Variants in PXN observed in about 807,000 individuals in gnomAD.
PXN encodes the protein testicular tissue protein Li 134.
Under a neutral mutation model 103.6 loss-of-function variants are expected in PXN, and 61 were observed. That is an observed-to-expected ratio of 0.59 (90% CI 0.48 to 0.73). PXN has a LOEUF of 0.73. Among genes scored for constraint, PXN ranks in the 30% least tolerant of loss-of-function variants. The pLI is 0.00. For missense variants in PXN, 1,274 were observed against 1,460.3 expected, an observed-to-expected ratio of 0.87 and a Z score of 2.08; for synonymous variants, 562 against 607.8, an observed-to-expected ratio of 0.92 and a Z score of 1.11.
At chr12:120,238,217 T>C (rs1010083866) in intron 1 of PXN, among the ~76,000 whole-genome samples, 2 of 152,098 alleles carry the variant, frequency 1.3e-5, no homozygotes, top group African/African-American at 4.8e-5. Flanking sequence ...CTAGTGGAGT[T>C]CACGTGTAGG....
chr12:120,223,907 AC>A, intron 2 of PXN, 74 bp from the exon 3 acceptor site: 2 of 1,207,604 alleles, frequency 1.7e-6, no homozygotes, highest in East Asian at 2.6e-5. Context: ...AGCTCCAGTC[AC>A]CCCCAGGAGG....
chr12:120,222,590 C>G lies in PXN; in HGVS notation c.654G>C (p.Glu218Asp). The G allele has an allele frequency of 6.2e-7, 1 of 1,608,686 alleles. No individual in the cohort carries two copies. The highest frequency in any genetic ancestry group is 8.5e-7 in the Non-Finnish European group (1 of 1,177,958). Reference protein sequence around the residue: ...RGLEDVRPSVESLLDELESSV... With the variant: ...RGLEDVRPSVDSLLDELESSV... ...AGCTCTCCAGTTCATCCAAGAGACTCTCCACACTGGGCCGCACGTCCTCCA... is the reference window on the plus strand; with the variant it reads ...AGCTCTCCAGTTCATCCAAGAGACTGTCCACACTGGGCCGCACGTCCTCCA... Residue 218 changes from glutamate (E) to aspartate (D), a missense_variant, in exon 5 of 15, where the codon GAG (glutamate) becomes GAC (aspartate). Around this residue, in one of 2 missense-constraint regions of PXN, gnomAD observed 1,178 missense variants for 1,309.0 expected, o/e 0.90. Transcript: ENST00000637617. This position sits in a 1 kb window ranked among gnomAD's most constrained non-coding sequence, Gnocchi z 4.7.
intron 1 of PXN, among the ~76,000 whole-genome samples, chr12:120,260,302 G>A (rs756567323): frequency 2.6e-4 from 40 of 152,270 alleles, no homozygotes; most frequent in Non-Finnish European, 5.1e-4. Flanking sequence ...CTGAAGTCGG[G>A]AGTTCGAGAC....
chr12:120,265,641 G>T lies in PXN; in HGVS notation c.-12C>A. On this transcript the variant is annotated 5_prime_UTR_variant, in exon 1 of 15. Coordinates refer to ENST00000637617, the MANE Select transcript of PXN (RefSeq NM_001385981.1). This position sits in a 1 kb window ranked among gnomAD's most constrained non-coding sequence, Gnocchi z 5.7. ...CCGAGGTCGTCCATGGCCGGACCAC[G>T]GGCGCCGGCTCAGGGTCGCGCTAGC... 6.8e-7 allele frequency: 1 copy of T among 1,475,134 alleles called. No homozygotes were observed. The highest frequency in any genetic ancestry group is 3.0e-5 in the East Asian group (1 of 33,090). The allele number at this position is 1,475,134 out of a possible 1,614,324, so 91.4% of individuals were successfully genotyped here.
At chr12:120,262,559 G>A (rs927467529) in intron 1 of PXN, among the ~76,000 whole-genome samples, 8 of 152,140 alleles carry the variant, frequency 5.3e-5, no homozygotes, top group Non-Finnish European at 1.0e-4. Flanking sequence ...AAAGTGGAGC[G>A]AAAACACCTC....
At position 120,222,454 on chromosome 12, in the gene PXN, G is replaced by C. The variant is rs1249268351; in HGVS notation, c.695+95C>G. On this transcript the variant is annotated intron_variant, in intron 5 of 14. Coordinates refer to ENST00000637617, the MANE Select transcript of PXN (RefSeq NM_001385981.1). The surrounding 1 kb of genome is among the most constrained non-coding windows in gnomAD (Gnocchi z 4.7). ...CCTGGCAAATGGCAGACACGGGAGG[G>C]AGTGGGTGATACCAGGGCTAAGGGG... The C allele has an allele frequency of 7.5e-7, 1 of 1,324,564 alleles. No homozygotes were observed. Among genetic ancestry groups the C allele is most frequent in the Admixed American group, 2.6e-5 (1 of 37,788 alleles). The allele number at this position is 1,324,564 out of a possible 1,614,324, so 82.1% of individuals were successfully genotyped here.
chr12:120,265,479 C>T lies in PXN; in HGVS notation c.13+138G>A. 11 of 1,018,396 alleles carry T rather than the reference C, an allele frequency of 1.1e-5. No homozygotes were observed. Among genetic ancestry groups the T allele is most frequent in the Non-Finnish European group, 1.2e-5 (9 of 761,806 alleles). 63.1% of individuals were successfully genotyped at this position (1,018,396 alleles called of 1,614,324 possible). ...GGTTAGGGATCCCAGCCCCGCGGAG[C>T]CCCGGCCGGCAGGGACAGGAGCTGA... On this transcript the variant is annotated intron_variant, in intron 1 of 14. Transcript: ENST00000637617. This position sits in a 1 kb window ranked among gnomAD's most constrained non-coding sequence, Gnocchi z 5.7.
At position 120,226,217 on chromosome 12, in the gene PXN, C is replaced by T. The variant is rs1594422620; in HGVS notation, c.14-1840G>A. 24 of 1,260,420 alleles carry T rather than the reference C, an allele frequency of 1.9e-5. No homozygotes were observed. The South Asian group carries it at 3.1e-4, about 16-fold the overall frequency. 78.1% of individuals were successfully genotyped at this position (1,260,420 alleles called of 1,614,324 possible). ...GGCCCAATCAGCAATGGGTGGATCC[C>T]TCTTTCTCCACCATGGGCAGGGCCA... On this transcript the variant is annotated intron_variant, in intron 1 of 14. Coordinates refer to ENST00000637617, the MANE Select transcript of PXN (RefSeq NM_001385981.1).
Position 120,210,802 on chromosome 12 carries a change from TCTC to T in PXN, c.*1509_*1511del, listed in dbSNP as rs1235880709. Reference sequence around the variant, plus strand: ...CCATTAGACCCCGGTGGGGCCCCTTTCTCCTCATCAGGAGCCCAAGGCCTGGCT... The same window carrying T: ...CCATTAGACCCCGGTGGGGCCCCTTTCTCATCAGGAGCCCAAGGCCTGGCT... On this transcript the variant is annotated 3_prime_UTR_variant, in exon 15 of 15. Coordinates refer to ENST00000637617, the MANE Select transcript of PXN (RefSeq NM_001385981.1). 1 of 152,592 alleles carries T rather than the reference TCTC, an allele frequency of 6.6e-6. No individual in the cohort carries two copies. Among genetic ancestry groups the T allele is most frequent in the African/African-American group, 2.4e-5 (1 of 41,422 alleles). 9.5% of individuals were successfully genotyped at this position (152,592 alleles called of 1,614,324 possible).
intron 1 of PXN, among the ~76,000 whole-genome samples, chr12:120,236,159 C>A (rs1031925727): frequency 6.6e-6 from 1 of 152,190 alleles, no homozygotes; most frequent in Non-Finnish European, 1.5e-5. Flanking sequence ...TGTCTGGGCA[C>A]AAGAGGGCTG....
In PXN at chr12:120,216,363, C is replaced by T. The variant is rs569728224; in HGVS notation, c.2211G>A (p.Val737=). 4.5e-5 allele frequency: 59 copies of T among 1,316,170 alleles called. No individual in the cohort carries two copies. The East Asian group carries it at 1.3e-3, about 29-fold the overall frequency. The allele number at this position is 1,316,170 out of a possible 1,614,324, so 81.5% of individuals were successfully genotyped here. A position where few individuals can be genotyped will look rare whatever the true frequency, so the allele number is the denominator to read the frequency against. ...SAGEEPHDEG[V]QGPALPIPAP... The stretch of plus-strand genomic sequence containing the variant: ...CAGGAATGGGAAGGGCAGGGCCCTG[C>T]ACCCCCTCATCATGGGGCTCTTCCC... Residue 737 remains valine (V), a synonymous_variant, in exon 9 of 15, where the codon GTG becomes GTA. Transcript: ENST00000637617. The surrounding 1 kb of genome is among the most constrained non-coding windows in gnomAD (Gnocchi z 5.1).
chr12:120,226,734 A>G, intron 1 of PXN: 2 of 1,094,070 alleles, frequency 1.8e-6, no homozygotes, highest in South Asian at 2.3e-5. Context: ...GTCGAGCCAG[A>G]CCTGAGTTCA....
At chr12:120,231,986 C>T (rs1160856289) in intron 1 of PXN, among the ~76,000 whole-genome samples, 1 of 152,252 alleles carries the variant, frequency 6.6e-6, no homozygotes, top group Non-Finnish European at 1.5e-5. Flanking sequence ...AGGCTACAGA[C>T]ACAGGAGTTC....
Position 120,216,969 on chromosome 12 carries a change from C to G in PXN, c.1864G>C (p.Gly622Arg). 6.5e-7 allele frequency: 1 copy of G among 1,542,058 alleles called. No individual in the cohort carries two copies. Among genetic ancestry groups the G allele is most frequent in the Non-Finnish European group, 8.7e-7 (1 of 1,150,142 alleles). The change falls in exon 8 of 15, where the codon GGC becomes CGC. Residue 622 changes from glycine to arginine, a missense_variant. Physicochemically the swap from Gly to Arg is moderately radical, Grantham distance 125 (BLOSUM62 -2). Around this residue, in one of 2 missense-constraint regions of PXN, gnomAD observed 1,178 missense variants for 1,309.0 expected, o/e 0.90. Transcript: ENST00000637617. This position sits in a 1 kb window ranked among gnomAD's most constrained non-coding sequence, Gnocchi z 5.1. ...QLIAELQGRLGIQPEAEEPAE... is the reference protein window; with the variant it reads ...QLIAELQGRLRIQPEAEEPAE... ...GGCTCCTCTGCCTCAGGCTGGATGCCCAGCCGCCCCTGCAGCTCCGCGATG... is the reference window on the plus strand; with the variant it reads ...GGCTCCTCTGCCTCAGGCTGGATGCGCAGCCGCCCCTGCAGCTCCGCGATG...
intron 1 of PXN, among the ~76,000 whole-genome samples, chr12:120,263,599 C>T (rs753820507): frequency 6.6e-6 from 1 of 152,220 alleles, no homozygotes; most frequent in Non-Finnish European, 1.5e-5. Flanking sequence ...CTCTCTTCGT[C>T]TCGGCTTTCT....
At position 120,215,710 on chromosome 12, in the gene PXN, G is replaced by T. The variant is rs760174103; in HGVS notation, c.2302-49C>A. The T allele has an allele frequency of 3.2e-6, 5 of 1,544,484 alleles. No individual in the cohort carries two copies. Among genetic ancestry groups the T allele is most frequent in the Non-Finnish European group, 4.4e-6 (5 of 1,142,928 alleles). On this transcript the variant is annotated intron_variant, in intron 9 of 14. Transcript: ENST00000637617. This position sits in a 1 kb window ranked among gnomAD's most constrained non-coding sequence, Gnocchi z 4.9. Reference sequence around the variant, plus strand: ...GTAAGAAATCTTTTTTAAAAATTAAGAAAGAATACAAGACCTTGTCACTGG... The same window carrying T: ...GTAAGAAATCTTTTTTAAAAATTAATAAAGAATACAAGACCTTGTCACTGG...
At chr12:120,234,365 C>T (rs1284936821) in intron 1 of PXN, among the ~76,000 whole-genome samples, 1 of 152,038 alleles carries the variant, frequency 6.6e-6, no homozygotes, top group African/African-American at 2.4e-5. Context: ...ACAGAGATTG[C>T]GCCACTGCAC....
At chr12:120,250,047 C>T (rs930013740) in intron 1 of PXN, 3 of 985,430 alleles carry the variant, frequency 3.0e-6, no homozygotes, top group African/African-American at 1.7e-5. Flanking sequence ...CCAGGCATCA[C>T]GACCACTCCT....
At chr12:120,234,429 A>T (rs533846552) in intron 1 of PXN, among the ~76,000 whole-genome samples, 1 of 152,232 alleles carries the variant, frequency 6.6e-6, no homozygotes, top group Admixed American at 6.5e-5. Context: ...AACAAAAAAA[A>T]CAGATAAGAT....
Sources: allele counts gnomAD v4.1 joint callset (sites outside exome capture counted in the v4.1 genomes callset), GRCh38; gene constraint gnomAD v4.1.1; regional missense constraint gnomAD v4.1.1; non-coding constraint Gnocchi (gnomAD v3.1); transcripts MANE v1.5; gene names NCBI Gene and HGNC (gene_info 2026-07-23, HGNC 2026-07-21).